The following PLEC variants were observed in gnomAD, a reference collection of about 807,000 sequenced individuals.
PLEC encodes the protein hemidesmosomal protein 1.
A neutral mutation model predicts 392.8 loss-of-function variants in PLEC; 216 were observed. The observed-to-expected ratio is 0.55, with a 90% CI of 0.49 to 0.62. The LOEUF (loss-of-function observed/expected upper bound fraction) is 0.62, where lower values mean the gene tolerates loss of function less well. PLEC is among the 20% of genes least tolerant of loss of function. PLEC has a pLI of 0.00. For synonymous variants in PLEC, 3,621 were observed against 2,980.6 expected (o/e 1.21, Z -7.00); for missense variants, 6,863 against 6,563.4 (o/e 1.05, Z -1.58).
intron 30 of PLEC, among the ~76,000 whole-genome samples, chr8:143,926,485 G>A (rs1348583013): frequency 6.6e-6 from 1 of 152,242 alleles, no homozygotes; most frequent in Non-Finnish European, 1.5e-5. Context: ...GGCCAACGCA[G>A]AACGCCAAGG....
In PLEC at chr8:143,927,597, G is replaced by A. The variant is rs200388052; in HGVS notation, c.3569C>T (p.Ala1190Val). ...CCGCACGTCGGTCTGGGCCAGCACA[G>A]CCTGCCAGCGCTCAAGCAACTGGGC... is the stretch of plus-strand genomic sequence containing the variant. ...RVAQLLERWQ[A>V]VLAQTDVRQR... Residue 1190 changes from alanine to valine, a missense_variant, in exon 27 of 32, where the codon GCT becomes GTT. Ala to Val is a moderately conservative substitution (Grantham distance 64). Transcript: ENST00000345136. 16 of 1,587,310 alleles carry A rather than the reference G, an allele frequency of 1.0e-5. No homozygotes were observed. The highest frequency in any genetic ancestry group is 1.1e-5 in the South Asian group (1 of 89,534).
chr8:143,975,026 G>T, upstream of PLEC: 1 of 850,344 alleles, frequency 1.2e-6, no homozygotes, highest in Non-Finnish European at 1.8e-6. The surrounding 1 kb of genome is among the most constrained non-coding windows in gnomAD (Gnocchi z 9.9). Flanking sequence ...TGTGCCGCCT[G>T]CACTCACCTG....
chr8:143,947,903 G>A (rs1429558259), intron 1 of PLEC, among the ~76,000 whole-genome samples: 1 of 152,184 alleles, frequency 6.6e-6, no homozygotes, highest in Non-Finnish European at 1.5e-5. Flanking sequence ...GCCTCCCTCT[G>A]TCCCTCTCTC....
At position 143,945,335 on chromosome 8, in the gene PLEC, G is replaced by A. The variant is rs533901776; in HGVS notation, c.523+4849C>T. 168 of 381,050 alleles carry A rather than the reference G, an allele frequency of 4.4e-4. 1 individual carries two copies. Among genetic ancestry groups the A allele is most frequent in the African/African-American group, 3.6e-3 (164 of 46,180 alleles). 23.6% of individuals were successfully genotyped at this position (381,050 alleles called of 1,614,324 possible). A position where few individuals can be genotyped will look rare whatever the true frequency, so the allele number is the denominator to read the frequency against. ...CTCTCCTGGGCCACGGCAGGAGACT[G>A]GCCTGGCTCCACCCAGGAGTCCCGA... is the stretch of plus-strand genomic sequence containing the variant. On this transcript the variant is annotated intron_variant, in intron 1 of 31. Transcript: ENST00000322810.
At position 143,925,116 on chromosome 8, in the gene PLEC, G is replaced by A; in HGVS notation, c.4813C>T (p.Gln1605Ter). The A allele has an allele frequency of 6.4e-7, 1 of 1,556,942 alleles. No homozygotes were observed. Among genetic ancestry groups the A allele is most frequent in the Non-Finnish European group, 8.6e-7 (1 of 1,159,302 alleles). ...SLQEEHVAVAQLREEAERRAQ... is the reference protein window; with the variant it reads ...SLQEEHVAVA ...CGCCGCTCAGCCTCCTCCCGCAGCT[G>A]TGCCACAGCCACGTGTTCCTCCTGC... Residue 1605 changes from glutamine to a stop codon, truncating the protein, a stop_gained, in exon 31 of 32, where the codon CAG (glutamine) becomes TAG (stop). Coordinates refer to ENST00000345136, the MANE Select transcript of PLEC (RefSeq NM_201384.3). LOFTEE classifies it high-confidence loss of function.
chr8:143,940,784 G>A (rs1294009280), upstream of PLEC, among the ~76,000 whole-genome samples: 8 of 152,132 alleles, frequency 5.3e-5, no homozygotes, highest in African/African-American at 1.4e-4. Flanking sequence ...AATGGGGGGT[G>A]CCCAAACCCC....
In PLEC at chr8:143,920,679, G is replaced by A. The variant is rs782135599; in HGVS notation, c.9142C>T (p.Leu3048=). ...LSIYNALKKD[L]LPSDMAVALL... ...GCCACGGCCATGTCGGATGGCAGCA[G>A]GTCTTTCTTCAGGGCATTGTAGATA... The change falls in exon 32 of 32, where the codon CTG becomes TTG. Residue 3048 remains leucine (L), a synonymous_variant. Coordinates refer to ENST00000345136, the MANE Select transcript of PLEC (RefSeq NM_201384.3). 2.1e-5 allele frequency: 33 copies of A among 1,603,084 alleles called. No individual in the cohort carries two copies. The highest frequency in any genetic ancestry group is 2.8e-5 in the Non-Finnish European group (33 of 1,179,892).
chr8:143,917,685 G>A lies in PLEC; in HGVS notation c.12136C>T (p.Gln4046Ter). Residue 4046 changes from glutamine (Q) to a stop codon, truncating the protein, a stop_gained, in exon 32 of 32, where the codon CAG (glutamine) becomes TAG (stop). Coordinates refer to ENST00000345136, the MANE Select transcript of PLEC (RefSeq NM_201384.3). LOFTEE classifies it high-confidence loss of function. The part of the protein sequence containing the change: ...KDHGIRLLEA[Q>*]IATGGIIDPE... ...TCGATGATGCCGCCCGTGGCGATCTGGGCCTCCAGCAGGCGGATGCCATGG... is the reference window on the plus strand; with the variant it reads ...TCGATGATGCCGCCCGTGGCGATCTAGGCCTCCAGCAGGCGGATGCCATGG... The A allele has an allele frequency of 1.2e-6, 2 of 1,613,584 alleles. No homozygotes were observed. The highest frequency in any genetic ancestry group is 1.7e-6 in the Non-Finnish European group (2 of 1,180,008).
chr8:143,976,209 C>T (rs1435099502), upstream of PLEC, among the ~76,000 whole-genome samples: 1 of 152,188 alleles, frequency 6.6e-6, no homozygotes, highest in Non-Finnish European at 1.5e-5. Context: ...ACCGGCACCG[C>T]GGACGCAACC....
At chr8:143,942,640 C>A, upstream of PLEC, 1 of 1,187,244 alleles carries the variant, frequency 8.4e-7, no homozygotes, top group Non-Finnish European at 1.1e-6. Context: ...TTCCACCTCC[C>A]CCCCACAATC....
chr8:143,925,326 G>T lies in PLEC; in HGVS notation c.4603C>A (p.Leu1535Met). The change falls in exon 31 of 32, where the codon CTG (leucine) becomes ATG (methionine). Residue 1535 changes from leucine to methionine, a missense_variant. Transcript: ENST00000345136. Reference protein sequence around the residue: ...AEAAREKQRALQALEELRLQA... With the variant: ...AEAAREKQRAMQALEELRLQA... ...AGCCGCAGCTCCTCCAGGGCCTGCA[G>T]GGCCCGCTGCTTCTCGCGCGCCGCC... is the stretch of plus-strand genomic sequence containing the variant. 1 of 1,562,126 alleles carries T rather than the reference G, an allele frequency of 6.4e-7. No individual in the cohort carries two copies. Among genetic ancestry groups the T allele is most frequent in the Non-Finnish European group, 8.6e-7 (1 of 1,162,128 alleles).
upstream of PLEC, among the ~76,000 whole-genome samples, chr8:143,954,659 G>C (rs782786438): frequency 6.6e-6 from 1 of 152,212 alleles, no homozygotes; most frequent in Admixed American, 6.5e-5. The surrounding 1 kb of genome is among the most constrained non-coding windows in gnomAD (Gnocchi z 4.6). Flanking sequence ...GTGTCACTGC[G>C]CACGCCTGGG....
At position 143,919,185 on chromosome 8, in the gene PLEC, C is replaced by T. The variant is rs1166252237; in HGVS notation, c.10636G>A (p.Ala3546Thr). The T allele has an allele frequency of 4.3e-6, 7 of 1,613,756 alleles. No individual in the cohort carries two copies. The African/African-American group carries it at 8.0e-5, about 18-fold the overall frequency. ...TGLRLLPLKG[A>T]EKAEVVETTQ... Reference sequence around the variant, plus strand: ...GTCTCCACCACCTCAGCCTTCTCCGCCCCTTTCAGTGGCAGAAGGCGCAAG... The same window carrying T: ...GTCTCCACCACCTCAGCCTTCTCCGTCCCTTTCAGTGGCAGAAGGCGCAAG... The change falls in exon 32 of 32, where the codon GCG (alanine) becomes ACG (threonine). Residue 3546 changes from alanine to threonine, a missense_variant. Coordinates refer to ENST00000345136, the MANE Select transcript of PLEC (RefSeq NM_201384.3).
At chr8:143,971,068 G>A (rs113057351) in intron 1 of PLEC, among the ~76,000 whole-genome samples, 2,611 of 152,314 alleles carry the variant, frequency 0.017, 31 homozygotes, top group Non-Finnish European at 0.021. Flanking sequence ...AGCAGTGGCC[G>A]CCTGACTGTA....
At chr8:143,948,723 C>T (rs1049159202) in intron 1 of PLEC, among the ~76,000 whole-genome samples, 2 of 152,202 alleles carry the variant, frequency 1.3e-5, no homozygotes, top group African/African-American at 2.4e-5. Flanking sequence ...TTGGCCCTGC[C>T]GCCAGCTGCC....
chr8:143,930,371 G>A lies in PLEC; in HGVS notation c.2457+13C>T, dbSNP rs782694641. 73 of 1,575,280 alleles carry A rather than the reference G, an allele frequency of 4.6e-5. 1 individual carries two copies. Among genetic ancestry groups the A allele is most frequent in the Middle Eastern group, 3.3e-4 (2 of 6,010 alleles). ...TGGCCACGCCCCCCAGTGGACCCCCGGCCTGCGCTCACCTCCACCTGCTTA... is the reference window on the plus strand; with the variant it reads ...TGGCCACGCCCCCCAGTGGACCCCCAGCCTGCGCTCACCTCCACCTGCTTA... On this transcript the variant is annotated intron_variant, in intron 20 of 31. Transcript: ENST00000345136.
chr8:143,936,292 G>A (rs543680430), intron 5 of PLEC, among the ~76,000 whole-genome samples: 1 of 152,186 alleles, frequency 6.6e-6, no homozygotes, highest in African/African-American at 2.4e-5. Context: ...CACACAGCAG[G>A]TGCCCACTCC....
At chr8:143,944,840 G>C (rs1027173980) in intron 1 of PLEC, 10 of 592,102 alleles carry the variant, frequency 1.7e-5, no homozygotes, top group African/African-American at 1.6e-4. Context: ...GGGGCCCAGG[G>C]GATATAAATA....
chr8:143,930,933 A>C (rs1372981619), intron 19 of PLEC, among the ~76,000 whole-genome samples: 1 of 152,028 alleles, frequency 6.6e-6, no homozygotes, highest in Non-Finnish European at 1.5e-5. Context: ...CCCCCGGCCC[A>C]GCCCTGCCGA....
Sources: allele counts gnomAD v4.1 joint callset (sites outside exome capture counted in the v4.1 genomes callset), GRCh38; gene constraint gnomAD v4.1.1; non-coding constraint Gnocchi (gnomAD v3.1); transcripts MANE v1.5; gene names NCBI Gene and HGNC (gene_info 2026-07-23, HGNC 2026-07-21).